The following GRID2 variants were observed in gnomAD, a reference collection of about 807,000 sequenced individuals.
GRID2 encodes glutamate receptor ionotropic, delta-2.
A neutral mutation model predicts 114.8 loss-of-function variants in GRID2; 33 were observed. The observed-to-expected ratio is 0.29, with a 90% CI of 0.22 to 0.38. The LOEUF is 0.38. Among genes scored for constraint, GRID2 ranks in the 10% least tolerant of loss-of-function variants. The pLI, the probability that GRID2 is intolerant of heterozygous loss-of-function variation, is 1.00. For missense variants in GRID2, 1,184 were observed against 1,257.7 expected, an observed-to-expected ratio of 0.94 and a Z score of 0.89; for synonymous variants, 505 against 449.9, an observed-to-expected ratio of 1.12 and a Z score of -1.55.
chr4:93,199,197 C>T (rs1216437876), intron 4 of GRID2, among the ~76,000 whole-genome samples: 1 of 152,104 alleles, frequency 6.6e-6, no homozygotes, highest in African/African-American at 2.4e-5. Flanking sequence ...CAGGAAAACC[C>T]CAATGCCAGC....
At chr4:92,846,034 C>T (rs1046323229) in intron 2 of GRID2, among the ~76,000 whole-genome samples, 1 of 152,066 alleles carries the variant, frequency 6.6e-6, no homozygotes, top group Non-Finnish European at 1.5e-5. Flanking sequence ...AAATCTATCT[C>T]TTCTTAAACT....
intron 8 of GRID2, among the ~76,000 whole-genome samples, chr4:93,285,550 T>C (rs1219766454): frequency 6.6e-6 from 1 of 152,060 alleles, no homozygotes; most frequent in Non-Finnish European, 1.5e-5. Context: ...ACTGTGAAAT[T>C]CCAGTGATGT....
At chr4:93,036,503 G>A (rs1302346828) in intron 2 of GRID2, among the ~76,000 whole-genome samples, 1 of 151,994 alleles carries the variant, frequency 6.6e-6, no homozygotes, top group African/African-American at 2.4e-5. Context: ...ACATATTAAT[G>A]AAAATCAAAA....
rs60111004 is a variant in GRID2, at chr4:93,687,911, C to T, written c.2360+61476C>T. Among the ~76,000 whole-genome samples, 92 of 151,676 alleles carry T rather than the reference C, an allele frequency of 6.1e-4. 1 individual carries two copies. In the East Asian group the frequency reaches 0.015, roughly 25 times the overall value. ...AAATGATCTAGTAGAGAGGCAAAGA[C>T]GGATATAGGAGAAAAATAATCAGCC... On this transcript the variant is annotated intron_variant, in intron 14 of 15. Transcript: ENST00000282020.
chr4:92,693,720 A>C (rs181395479), intron 2 of GRID2, among the ~76,000 whole-genome samples: 71 of 152,316 alleles, frequency 4.7e-4, no homozygotes, highest in African/African-American at 1.7e-3. Flanking sequence ...CAGACTCACA[A>C]GAAGAGAGAA....
intron 12 of GRID2, among the ~76,000 whole-genome samples, chr4:93,508,268 G>T (rs1728843097): frequency 1.3e-5 from 2 of 150,378 alleles, no homozygotes; most frequent in African/African-American, 4.9e-5. Context: ...TGTGATATCG[G>T]CTCACTGCAA....
intron 2 of GRID2, among the ~76,000 whole-genome samples, chr4:93,083,597 G>A (rs1192205983): frequency 6.7e-6 from 1 of 150,350 alleles, no homozygotes; most frequent in Non-Finnish European, 1.5e-5. Flanking sequence ...TCAGGAGGCT[G>A]AGGCAGGAGA....
At chr4:93,527,689 T>G (rs1731046876) in intron 13 of GRID2, among the ~76,000 whole-genome samples, 1 of 152,150 alleles carries the variant, frequency 6.6e-6, no homozygotes, top group Non-Finnish European at 1.5e-5. Flanking sequence ...TAAATTTTAT[T>G]TATTTTTTAA....
At chr4:93,569,259 A>G (rs1735715565) in intron 13 of GRID2, among the ~76,000 whole-genome samples, 1 of 152,014 alleles carries the variant, frequency 6.6e-6, no homozygotes, top group Non-Finnish European at 1.5e-5. Context: ...CATTACTCCC[A>G]CCACAGTTTC....
intron 2 of GRID2, among the ~76,000 whole-genome samples, chr4:93,008,322 C>T (rs1229275145): frequency 6.6e-6 from 1 of 151,994 alleles, no homozygotes; most frequent in Non-Finnish European, 1.5e-5. Context: ...AAAACCTATA[C>T]TGTATGTGCA....
At chr4:93,233,335 ATTTTTT>A (rs1210273655) in intron 7 of GRID2, among the ~76,000 whole-genome samples, 1 of 104,550 alleles carries the variant, frequency 9.6e-6, no homozygotes, top group African/African-American at 3.4e-5. Flanking sequence ...TATTATTATT[ATTTTTT>A]TTTTTATTTT....
chr4:93,625,519 T>G (rs911338017), intron 13 of GRID2, among the ~76,000 whole-genome samples: 2 of 152,240 alleles, frequency 1.3e-5, no homozygotes, highest in Admixed American at 1.3e-4. Flanking sequence ...CAGTCTGCCC[T>G]CCATATCTGC....
At chr4:93,796,694 C>T (rs1013272047) in intron 1 of GRID2, among the ~76,000 whole-genome samples, 1 of 152,114 alleles carries the variant, frequency 6.6e-6, no homozygotes. Context: ...CGGGCATGTG[C>T]CACCACACCT....
At chr4:93,571,400 A>G (rs967287044) in intron 13 of GRID2, among the ~76,000 whole-genome samples, 1 of 152,144 alleles carries the variant, frequency 6.6e-6, no homozygotes, top group Non-Finnish European at 1.5e-5. Flanking sequence ...GTAAGTATGT[A>G]TTATATCTAA....
At chr4:92,933,029 T>C (rs1326465465) in intron 2 of GRID2, among the ~76,000 whole-genome samples, 2 of 151,094 alleles carry the variant, frequency 1.3e-5, no homozygotes, top group East Asian at 3.9e-4. Flanking sequence ...ATAATACAAT[T>C]AGCAAAACCT....
intron 2 of GRID2, among the ~76,000 whole-genome samples, chr4:92,976,773 C>A (rs1753905608): frequency 6.6e-6 from 1 of 152,136 alleles, no homozygotes; most frequent in Admixed American, 6.5e-5. Flanking sequence ...TTCAGCATAG[C>A]TGAGTGATTT....
intron 1 of GRID2, among the ~76,000 whole-genome samples, chr4:92,574,190 G>A (rs1727771605): frequency 6.6e-6 from 1 of 151,940 alleles, no homozygotes; most frequent in South Asian, 2.1e-4. Context: ...GTGTGTCTTT[G>A]TATGTGAGAC....
chr4:93,109,906 T>C (rs1203709785), intron 3 of GRID2, among the ~76,000 whole-genome samples: 1 of 152,152 alleles, frequency 6.6e-6, no homozygotes, highest in Non-Finnish European at 1.5e-5. Context: ...GTACAAATGA[T>C]AAACTCTTTA....
At chr4:93,468,524 C>T (rs556625523) in intron 11 of GRID2, among the ~76,000 whole-genome samples, 2 of 152,056 alleles carry the variant, frequency 1.3e-5, no homozygotes, top group Middle Eastern at 6.8e-3. Context: ...GAACAAAATC[C>T]TGAAGGATAG....
Sources: allele counts gnomAD v4.1 joint callset (sites outside exome capture counted in the v4.1 genomes callset), GRCh38; gene constraint gnomAD v4.1.1; transcripts MANE v1.5; gene names NCBI Gene and HGNC (gene_info 2026-07-23, HGNC 2026-07-21).